The following SNN variants were observed in gnomAD, a reference collection of about 807,000 sequenced individuals.
The protein encoded by SNN is AG8_1.
Under a neutral mutation model 5.3 loss-of-function variants are expected in SNN, and 5 were observed. The observed-to-expected ratio is 0.94, with a 90% CI of 0.49 to 1.97. SNN has a LOEUF of 1.97. Among genes scored for constraint, SNN ranks in the 30% most tolerant of loss-of-function variants. SNN has a pLI of 0.01. For missense variants in SNN, 127 were observed against 121.6 expected (o/e 1.04, Z -0.21); for synonymous variants, 67 against 52.1 (o/e 1.29, Z -1.24).
At position 11,676,500 on chromosome 16, in the gene SNN, C is replaced by A. The variant is rs917821769; in HGVS notation, c.*174C>A. 3 of 786,536 alleles carry A rather than the reference C, an allele frequency of 3.8e-6. No homozygotes were observed. The highest frequency in any genetic ancestry group is 6.1e-6 in the Non-Finnish European group (3 of 495,480). 48.7% of individuals were successfully genotyped at this position (786,536 alleles called of 1,614,324 possible). A position where few individuals can be genotyped will look rare whatever the true frequency, so the allele number is the denominator to read the frequency against. On this transcript the variant is annotated 3_prime_UTR_variant, in exon 2 of 2. Coordinates refer to ENST00000329565, the MANE Select transcript of SNN (RefSeq NM_003498.6). ...CCGGGGACCTGGCTGTCCTGGGCTT[C>A]CCCTCGGCCTCCAGGTGAGGCTGCC... is the stretch of plus-strand genomic sequence containing the variant.
intron 1 of SNN, among the ~76,000 whole-genome samples, chr16:11,673,059 G>A (rs2050276196): frequency 6.6e-6 from 1 of 152,184 alleles, no homozygotes; most frequent in South Asian, 2.1e-4. Flanking sequence ...ACCCCAGCAG[G>A]CCCTGGGAAC....
Position 11,673,455 on chromosome 16 carries a change from C to A in SNN, c.-85-2520C>A, listed in dbSNP as rs564533861. Among the ~76,000 whole-genome samples the A allele has an allele frequency of 4.6e-5, 7 of 152,316 alleles. No individual in the cohort carries two copies. In the South Asian group the frequency reaches 1.4e-3, roughly 32 times the overall value. On this transcript the variant is annotated intron_variant, in intron 1 of 1. Transcript: ENST00000329565. Reference sequence around the variant, plus strand: ...GAGCCCGGCCGGGTTGGGAAAGCTTCCCTGCCAGAGCTGGTATTAACCGGG... The same window carrying A: ...GAGCCCGGCCGGGTTGGGAAAGCTTACCTGCCAGAGCTGGTATTAACCGGG...
intron 1 of SNN, among the ~76,000 whole-genome samples, chr16:11,669,215 C>T (rs1313269685): frequency 1.3e-5 from 2 of 152,176 alleles, no homozygotes; most frequent in Non-Finnish European, 2.9e-5. Flanking sequence ...CAGGGTGGAA[C>T]GGGAGGGTGC....
intron 1 of SNN, among the ~76,000 whole-genome samples, chr16:11,669,199 G>T (rs1370665710): frequency 6.6e-6 from 1 of 152,156 alleles, no homozygotes; most frequent in East Asian, 1.9e-4. Context: ...CGCCGGCGCC[G>T]CCGGGCAGGG....
In SNN at chr16:11,669,751, G is replaced by A. The variant is rs142024296; in HGVS notation, c.-86+1211G>A. ...CCAGCGGGTGATTCACAGGGTGGGG[G>A]CATGAGCCTCTGGCCTGGCCCGAGG... is the stretch of plus-strand genomic sequence containing the variant. On this transcript the variant is annotated intron_variant, in intron 1 of 1. Transcript: ENST00000329565. 1.7e-3 allele frequency among the ~76,000 whole-genome samples: 261 copies of A among 152,326 alleles called. 2 individuals carry two copies. The highest frequency in any genetic ancestry group is 6.0e-3 in the African/African-American group (248 of 41,580).
At chr16:11,675,004 C>T (rs1341304229) in intron 1 of SNN, among the ~76,000 whole-genome samples, 1 of 152,176 alleles carries the variant, frequency 6.6e-6, no homozygotes, top group Non-Finnish European at 1.5e-5. Context: ...CTCCATCTCC[C>T]GGGACACTCT....
rs1013083789 is a variant in SNN at position 11,671,685 on chromosome 16, T to C, written c.-86+3145T>C. ...TCTCCCCAACCCAAGCTGTGGCCCG[T>C]CCCTGTCCCCTGCATCCTGTGGGCT... On this transcript the variant is annotated intron_variant, in intron 1 of 1. Coordinates refer to ENST00000329565, the MANE Select transcript of SNN (RefSeq NM_003498.6). This position sits in a 1 kb window ranked among gnomAD's most constrained non-coding sequence, Gnocchi z 4.7. Among the ~76,000 whole-genome samples the C allele has an allele frequency of 1.3e-5, 2 of 152,102 alleles. No homozygotes were observed. Among genetic ancestry groups the C allele is most frequent in the Non-Finnish European group, 2.9e-5 (2 of 68,002 alleles).
rs1448681342 is a variant in SNN, at chr16:11,668,780, C to A, written c.-86+240C>A. Among the ~76,000 whole-genome samples, 5 of 151,174 alleles carry A rather than the reference C, an allele frequency of 3.3e-5. No homozygotes were observed. Among genetic ancestry groups the A allele is most frequent in the Middle Eastern group, 3.5e-3 (1 of 288 alleles). ...TGCGGCGAGATCCGGACAAAGGAGG[C>A]GGCGGGGGGCGGAGGCCGCTTTGTG... On this transcript the variant is annotated intron_variant, in intron 1 of 1. Coordinates refer to ENST00000329565, the MANE Select transcript of SNN (RefSeq NM_003498.6). This position sits in a 1 kb window ranked among gnomAD's most constrained non-coding sequence, Gnocchi z 6.8.
chr16:11,673,132 G>T (rs2050276627), intron 1 of SNN, among the ~76,000 whole-genome samples: 1 of 152,196 alleles, frequency 6.6e-6, no homozygotes, highest in Non-Finnish European at 1.5e-5. Flanking sequence ...TGTTCTTCTT[G>T]CAGGGAGAGA....
In SNN at chr16:11,677,879, C is replaced by G. The variant is rs1305859563; in HGVS notation, c.*1553C>G. ...TCCTCTGGCCTCACCCAAGCCTCTT[C>G]TAAAAACCATGTTGAATGAATCCAC... On this transcript the variant is annotated 3_prime_UTR_variant, in exon 2 of 2. Coordinates refer to ENST00000329565, the MANE Select transcript of SNN (RefSeq NM_003498.6). The surrounding 1 kb of genome is among the most constrained non-coding windows in gnomAD (Gnocchi z 4.2). 3 of 167,200 alleles carry G rather than the reference C, an allele frequency of 1.8e-5. No homozygotes were observed. 10.4% of individuals were successfully genotyped at this position (167,200 alleles called of 1,614,324 possible).
rs374070041 is a variant in SNN at position 11,676,104 on chromosome 16, C to T, written c.45C>T (p.Val15=). 2.0e-5 allele frequency: 32 copies of T among 1,613,554 alleles called. No individual in the cohort carries two copies. Among genetic ancestry groups the T allele is most frequent in the African/African-American group, 1.9e-4 (14 of 74,930 alleles). Residue 15 remains valine, a synonymous_variant, in exon 2 of 2, where the codon GTC becomes GTT. Transcript: ENST00000329565. ...DHSPTTGVVT[V]IVILIAIAAL... Reference sequence around the variant, plus strand: ...GCCCCACCACGGGCGTGGTCACAGTCATCGTCATCCTCATTGCCATCGCGG... The same window carrying T: ...GCCCCACCACGGGCGTGGTCACAGTTATCGTCATCCTCATTGCCATCGCGG...
rs2050308099 is a variant in SNN, at chr16:11,676,846, G to A, written c.*520G>A. On this transcript the variant is annotated 3_prime_UTR_variant, in exon 2 of 2. Coordinates refer to ENST00000329565, the MANE Select transcript of SNN (RefSeq NM_003498.6). Reference sequence around the variant, plus strand: ...GTCTCTCATGTGTGTCCATCTGCGTGTATGTCAAGGAAGTGAGATGCCAAT... The same window carrying A: ...GTCTCTCATGTGTGTCCATCTGCGTATATGTCAAGGAAGTGAGATGCCAAT... The A allele has an allele frequency of 5.9e-6, 1 of 169,710 alleles. No individual in the cohort carries two copies. Among genetic ancestry groups the A allele is most frequent in the Admixed American group, 6.3e-5 (1 of 15,802 alleles). 10.5% of individuals were successfully genotyped at this position (169,710 alleles called of 1,614,324 possible).
chr16:11,676,311 G>A lies in SNN; in HGVS notation c.252G>A (p.Pro84=), dbSNP rs142574851. The A allele has an allele frequency of 1.1e-3, 1,705 of 1,613,128 alleles. 2 individuals carry two copies. The highest frequency in any genetic ancestry group is 1.3e-3 in the Non-Finnish European group (1,579 of 1,179,306). Residue 84 remains proline (P), a synonymous_variant, in exon 2 of 2, where the codon CCG becomes CCA. Transcript: ENST00000329565. The stretch of plus-strand genomic sequence containing the variant: ...CCAAGCTGATGACTCCCAACGGCCC[G>A]GAAGTCCACGGCTGAGCCAGGATGC... ...RKAKLMTPNG[P]EVHG is the part of the protein sequence containing the mutation.
rs1176590661 is a variant in SNN at position 11,668,534 on chromosome 16, C to G, written c.-92C>G. 1 of 144,524 alleles carries G rather than the reference C, an allele frequency of 6.9e-6. No individual in the cohort carries two copies. Among genetic ancestry groups the G allele is most frequent in the Non-Finnish European group, 1.5e-5 (1 of 65,050 alleles). The allele number at this position is 144,524 out of a possible 1,614,324, so 9.0% of individuals were successfully genotyped here. On this transcript the variant is annotated 5_prime_UTR_variant, in exon 1 of 2. Coordinates refer to ENST00000329565, the MANE Select transcript of SNN (RefSeq NM_003498.6). The surrounding 1 kb of genome is among the most constrained non-coding windows in gnomAD (Gnocchi z 6.8). Reference sequence around the variant, plus strand: ...GGGCGATCGGGCCGGGCCGCTGCCGCGCCATGGTGAGCCGGGCGGGGCAGG... The same window carrying G: ...GGGCGATCGGGCCGGGCCGCTGCCGGGCCATGGTGAGCCGGGCGGGGCAGG...
rs2050300309 is a variant in SNN, at chr16:11,675,958, C to T, written c.-85-17C>T. 3 of 1,318,934 alleles carry T rather than the reference C, an allele frequency of 2.3e-6. No homozygotes were observed. The highest frequency in any genetic ancestry group is 2.4e-5 in the Admixed American group (1 of 41,498). 81.7% of individuals were successfully genotyped at this position (1,318,934 alleles called of 1,614,324 possible). The stretch of plus-strand genomic sequence containing the variant: ...GGAAGTGCTAACCGCAGCTCGTCAA[C>T]CTGCTTTGTCTTTCAGGACTCCCGT... On this transcript the variant is annotated splice_polypyrimidine_tract_variant and intron_variant, in intron 1 of 1. Transcript: ENST00000329565.
At chr16:11,673,863 T>G (rs1597388897) in intron 1 of SNN, among the ~76,000 whole-genome samples, 1 of 152,032 alleles carries the variant, frequency 6.6e-6, no homozygotes, top group South Asian at 2.1e-4. Flanking sequence ...CCCCTGAGGG[T>G]GGGCAGGGAG....
rs1004002562 is a variant in SNN at position 11,668,496 on chromosome 16, C to G, written c.-130C>G. 17 of 145,234 alleles carry G rather than the reference C, an allele frequency of 1.2e-4. No individual in the cohort carries two copies. Among genetic ancestry groups the G allele is most frequent in the African/African-American group, 4.2e-4 (17 of 40,564 alleles). The allele number at this position is 145,234 out of a possible 1,614,324, so 9.0% of individuals were successfully genotyped here. A position where few individuals can be genotyped will look rare whatever the true frequency, so the allele number is the denominator to read the frequency against. ...GACCGGGCGGGCGGAGCCGGGCCCG[C>G]GGGGCTGCTGCGGGGCGATCGGGCC... On this transcript the variant is annotated 5_prime_UTR_variant, in exon 1 of 2. Transcript: ENST00000329565. The surrounding 1 kb of genome is among the most constrained non-coding windows in gnomAD (Gnocchi z 6.8).
rs1802408 is a variant in SNN, at chr16:11,678,357, A to G, written c.*2031A>G. 24,268 of 167,036 alleles carry G rather than the reference A, an allele frequency of 0.15. 2,894 individuals are homozygous for G. Among genetic ancestry groups the G allele is most frequent in the African/African-American group, 0.33 (13,622 of 41,440 alleles). 10.3% of individuals were successfully genotyped at this position (167,036 alleles called of 1,614,324 possible). On this transcript the variant is annotated 3_prime_UTR_variant, in exon 2 of 2. Coordinates refer to ENST00000329565, the MANE Select transcript of SNN (RefSeq NM_003498.6). ...CAGGCTTTCTACCTCGACTCTCACC[A>G]CAGCCAGCACATACACCTAGGCTGT...
intron 1 of SNN, among the ~76,000 whole-genome samples, chr16:11,674,254 C>T (rs1379953940): frequency 6.6e-6 from 1 of 151,904 alleles, no homozygotes. Flanking sequence ...CTGTGTAGAA[C>T]GCGTCTCGGG....
Sources: allele counts gnomAD v4.1 joint callset (sites outside exome capture counted in the v4.1 genomes callset), GRCh38; gene constraint gnomAD v4.1.1; non-coding constraint Gnocchi (gnomAD v3.1); transcripts MANE v1.5; gene names NCBI Gene and HGNC (gene_info 2026-07-23, HGNC 2026-07-21).